TXLNB: variants seen among roughly 807,000 people sequenced by gnomAD.
The protein encoded by TXLNB is taxilin beta.
TXLNB carries 37 observed loss-of-function variants against 57.4 expected under a neutral mutation model. That is an observed-to-expected ratio of 0.64 (90% confidence interval 0.50 to 0.85). TXLNB has a LOEUF of 0.85. TXLNB is among the 40% of genes least tolerant of loss of function. The pLI is 0.00. For missense variants in TXLNB, 848 were observed against 825.6 expected (o/e 1.03, Z -0.33); for synonymous variants, 302 against 309.6 (o/e 0.98, Z 0.26).
At chr6:139,273,705 G>A (rs1776825048) in intron 3 of TXLNB, among the ~76,000 whole-genome samples, 1 of 152,202 alleles carries the variant, frequency 6.6e-6, no homozygotes. Flanking sequence ...CAATCTGCCT[G>A]CCTTGGCCTC....
chr6:139,310,222 C>T, the TXLNB span, among the ~76,000 whole-genome samples: 4 of 152,150 alleles, frequency 2.6e-5, no homozygotes, highest in Admixed American at 2.6e-4. Context: ...ATTGCAAACC[C>T]CATGTCTGAT....
the TXLNB span, among the ~76,000 whole-genome samples, chr6:139,215,209 GCTAC>G: frequency 3.3e-5 from 5 of 152,018 alleles, no homozygotes; most frequent in African/African-American, 1.2e-4. Context: ...GAGGCATCAC[GCTAC>G]CTGACTTCAA....
the TXLNB span, among the ~76,000 whole-genome samples, chr6:139,209,283 C>A: frequency 2.6e-5 from 4 of 152,120 alleles, no homozygotes; most frequent in African/African-American, 7.2e-5. Flanking sequence ...CAAAACACTG[C>A]GGAAAGAAAT....
chr6:139,185,616 G>T, the TXLNB span, among the ~76,000 whole-genome samples: 5 of 152,132 alleles, frequency 3.3e-5, no homozygotes, highest in African/African-American at 1.2e-4. Context: ...CAGGAGAATG[G>T]CGTGAACCCG....
chr6:139,314,676 A>G, the TXLNB span, among the ~76,000 whole-genome samples: 6 of 152,078 alleles, frequency 3.9e-5, no homozygotes, highest in Admixed American at 2.6e-4. Context: ...CCTCTTTTCC[A>G]TTGACAGTGA....
chr6:139,171,097 G>C, the TXLNB span, among the ~76,000 whole-genome samples: 1 of 152,264 alleles, frequency 6.6e-6, no homozygotes, highest in Non-Finnish European at 1.5e-5. Flanking sequence ...GGGTTTGAAG[G>C]GATGTTGGGA....
At chr6:139,313,147 G>C in the TXLNB span, among the ~76,000 whole-genome samples, 37 of 150,748 alleles carry the variant, frequency 2.5e-4, 1 homozygote, top group Middle Eastern at 6.8e-3. Context: ...ATCTCGGCTC[G>C]CTGCAAGCTC....
At chr6:139,292,457 G>A (rs779436122), upstream of TXLNB, among the ~76,000 whole-genome samples, 2 of 152,084 alleles carry the variant, frequency 1.3e-5, no homozygotes, top group Admixed American at 6.6e-5. The surrounding 1 kb of genome is among the most constrained non-coding windows in gnomAD (Gnocchi z 4.0). Context: ...ATTAGTGTCA[G>A]GTTTCTTACA....
rs944274919 is a variant in TXLNB at position 139,240,063 on chromosome 6, T to C, written c.*2463A>G. On this transcript the variant is annotated 3_prime_UTR_variant, in exon 10 of 10. Transcript: ENST00000358430. ...AAAATAAAATGAGTACTAGAGAATT[T>C]GGGAAGAGAAGTACCTTTTTAATAG... is the stretch of plus-strand genomic sequence containing the variant. 1.3e-5 allele frequency: 2 copies of C among 152,450 alleles called. No individual in the cohort carries two copies. The highest frequency in any genetic ancestry group is 2.9e-5 in the Non-Finnish European group (2 of 68,038). 9.4% of individuals were successfully genotyped at this position (152,450 alleles called of 1,614,324 possible). A position where few individuals can be genotyped will look rare whatever the true frequency, so the allele number is the denominator to read the frequency against.
intron 7 of TXLNB, chr6:139,251,599 C>G (rs1776207135): frequency 6.6e-6 from 1 of 152,228 alleles, no homozygotes; most frequent in Admixed American, 6.5e-5. Context: ...GAAGGACATC[C>G]AGAGGTCATG....
chr6:139,278,713 A>T (rs62441203), intron 2 of TXLNB, among the ~76,000 whole-genome samples: 1 of 152,128 alleles, frequency 6.6e-6, no homozygotes, highest in African/African-American at 2.4e-5. Flanking sequence ...ATAATAGAAT[A>T]AAACAAAGCT....
At chr6:139,238,596 T>G (rs1254973959), downstream of TXLNB, among the ~76,000 whole-genome samples, 1 of 152,192 alleles carries the variant, frequency 6.6e-6, no homozygotes, top group Admixed American at 6.5e-5. Context: ...AGGATACAAC[T>G]TAATAGCGTT....
At chr6:139,297,998 G>C in the TXLNB span, among the ~76,000 whole-genome samples, 1 of 152,086 alleles carries the variant, frequency 6.6e-6, no homozygotes, top group African/African-American at 2.4e-5. Flanking sequence ...ATCAAACAGA[G>C]ATTATTTTGT....
At chr6:139,245,158 T>C (rs1582989410) in intron 8 of TXLNB, among the ~76,000 whole-genome samples, 1 of 152,354 alleles carries the variant, frequency 6.6e-6, no homozygotes, top group East Asian at 1.9e-4. Flanking sequence ...TTTACATTTA[T>C]AGAGTGAGGT....
the TXLNB span, chr6:139,174,683 G>C: frequency 8.3e-7 from 1 of 1,205,482 alleles, no homozygotes; most frequent in South Asian, 1.6e-5. Flanking sequence ...TAGTCATTTA[G>C]TGGAATACTA....
intron 3 of TXLNB, among the ~76,000 whole-genome samples, chr6:139,273,412 G>A (rs1776817338): frequency 1.3e-5 from 2 of 152,370 alleles, no homozygotes; most frequent in South Asian, 2.1e-4. Context: ...AAATTGGAAA[G>A]AGAAATGATT....
intron 2 of TXLNB, among the ~76,000 whole-genome samples, chr6:139,281,046 AT>A (rs1172581593): frequency 1.3e-5 from 2 of 149,008 alleles, no homozygotes; most frequent in Non-Finnish European, 2.9e-5. Flanking sequence ...TGAGTGATTT[AT>A]TTATTTATTT....
At chr6:139,179,144 A>C in the TXLNB span, 1 of 152,290 alleles carries the variant, frequency 6.6e-6, no homozygotes, top group Admixed American at 6.5e-5. Context: ...TCTTTAATGC[A>C]CAAAGCTGTA....
chr6:139,303,025 C>T, the TXLNB span, among the ~76,000 whole-genome samples: 5 of 152,002 alleles, frequency 3.3e-5, no homozygotes, highest in Admixed American at 3.3e-4. Context: ...TTCTGATATT[C>T]CAAAGTGGTT....
Sources: allele counts gnomAD v4.1 joint callset (sites outside exome capture counted in the v4.1 genomes callset), GRCh38; gene constraint gnomAD v4.1.1; non-coding constraint Gnocchi (gnomAD v3.1); transcripts MANE v1.5; gene names NCBI Gene and HGNC (gene_info 2026-07-23, HGNC 2026-07-21).